KCNK1: variants seen among roughly 807,000 people sequenced by gnomAD.
The protein encoded by KCNK1 is potassium two pore domain channel subfamily K member 1.
Under a neutral mutation model 22.2 loss-of-function variants are expected in KCNK1, and 10 were observed. That is an observed-to-expected ratio of 0.45 (90% CI 0.28 to 0.76). The LOEUF (loss-of-function observed/expected upper bound fraction) is 0.76. Ranked by LOEUF, KCNK1 falls within the 30% of genes least tolerant of loss-of-function variation. KCNK1 has a pLI of 0.14. For missense variants in KCNK1, 378 were observed against 421.0 expected, an observed-to-expected ratio of 0.90 and a Z score of 0.89; for synonymous variants, 200 against 186.4, an observed-to-expected ratio of 1.07 and a Z score of -0.60.
intron 1 of KCNK1, among the ~76,000 whole-genome samples, chr1:233,659,461 G>A (rs1658354264): frequency 6.7e-6 from 1 of 149,836 alleles, no homozygotes; most frequent in African/African-American, 2.4e-5. Context: ...ATGTAAACCA[G>A]CTTCAGGCAA....
intron 1 of KCNK1, chr1:233,624,081 G>C (rs949806610): frequency 6.5e-6 from 1 of 153,754 alleles, no homozygotes; most frequent in African/African-American, 2.4e-5. Flanking sequence ...TGTTATGTGG[G>C]GGGCTCTGTG....
chr1:233,641,896 G>A (rs528170871), intron 1 of KCNK1, among the ~76,000 whole-genome samples: 7 of 152,202 alleles, frequency 4.6e-5, no homozygotes, highest in African/African-American at 1.4e-4. Context: ...GCAGGGAGCC[G>A]CTTGGGCAGC....
chr1:233,619,925 G>C (rs1057405325), intron 1 of KCNK1, among the ~76,000 whole-genome samples: 2 of 138,676 alleles, frequency 1.4e-5, no homozygotes, highest in Non-Finnish European at 1.6e-5. Flanking sequence ...CGAGGGGGGC[G>C]GGGGGGCGGG....
At chr1:233,654,748 TA>T (rs1268593974) in intron 1 of KCNK1, among the ~76,000 whole-genome samples, 1 of 151,940 alleles carries the variant, frequency 6.6e-6, no homozygotes, top group African/African-American at 2.4e-5. Flanking sequence ...GTCCATCTCT[TA>T]AAAAAGAATA....
Position 233,646,618 on chromosome 1 carries a change from GGAAGGTCT to G in KCNK1, c.356-19971_356-19964del, listed in dbSNP as rs1411851513. On this transcript the variant is annotated intron_variant, in intron 1 of 2. Coordinates refer to ENST00000366621, the MANE Select transcript of KCNK1 (RefSeq NM_002245.4). Reference sequence around the variant, plus strand: ...CCGAGTGCAGGGAGTGAGAGCAGATGGAAGGTCTGAAGGCCGAGTCCTGGAGGGTTCTA... The same window carrying G: ...CCGAGTGCAGGGAGTGAGAGCAGATGGAAGGCCGAGTCCTGGAGGGTTCTA... Among the ~76,000 whole-genome samples the G allele has an allele frequency of 2.6e-5, 4 of 152,148 alleles. No individual in the cohort carries two copies. In the East Asian group the frequency reaches 7.7e-4, roughly 29 times the overall value.
intron 1 of KCNK1, among the ~76,000 whole-genome samples, chr1:233,663,658 T>A (rs985254933): frequency 1.3e-5 from 2 of 152,072 alleles, no homozygotes; most frequent in Non-Finnish European, 2.9e-5. Flanking sequence ...CTTCGTGGAG[T>A]CCAACTGACT....
intron 2 of KCNK1, among the ~76,000 whole-genome samples, chr1:233,667,216 C>T (rs185754684): frequency 2.1e-4 from 32 of 152,180 alleles, no homozygotes; most frequent in African/African-American, 7.0e-4. Flanking sequence ...ATTGCAAGCT[C>T]CACTTCACCT....
intron 1 of KCNK1, among the ~76,000 whole-genome samples, chr1:233,664,399 G>A (rs1658454532): frequency 6.6e-6 from 1 of 151,988 alleles, no homozygotes; most frequent in African/African-American, 2.4e-5. Context: ...TTATTCTCAA[G>A]GCACTCTCCA....
chr1:233,652,878 T>C (rs1031934831), intron 1 of KCNK1, among the ~76,000 whole-genome samples: 1 of 152,206 alleles, frequency 6.6e-6, no homozygotes, highest in Non-Finnish European at 1.5e-5. Flanking sequence ...TGTATTATCT[T>C]TTTATTCTGA....
intron 1 of KCNK1, among the ~76,000 whole-genome samples, chr1:233,654,311 C>A (rs1658251359): frequency 6.6e-6 from 1 of 152,096 alleles, no homozygotes; most frequent in Admixed American, 6.6e-5. Flanking sequence ...ACCTGTGTAA[C>A]AAACCTGCAC....
chr1:233,632,399 C>G (rs751473726), intron 1 of KCNK1, among the ~76,000 whole-genome samples: 1 of 152,092 alleles, frequency 6.6e-6, no homozygotes, highest in African/African-American at 2.4e-5. Flanking sequence ...TAATTTTGAC[C>G]AGATAGGATG....
chr1:233,619,932 C>T (rs977548129), intron 1 of KCNK1, among the ~76,000 whole-genome samples: 6 of 11,326 alleles, frequency 5.3e-4, no homozygotes, highest in South Asian at 1.1e-3. Context: ...GGCGGGGGGG[C>T]GGGGGGGCAG....
intron 2 of KCNK1, among the ~76,000 whole-genome samples, chr1:233,667,729 C>CAAAAAAAAA (rs71170433): frequency 3.5e-5 from 3 of 86,096 alleles, no homozygotes; most frequent in Admixed American, 1.6e-4. Flanking sequence ...GACTCCGTCT[C>CAAAAAAAAA]AAAAAAAAAA....
intron 2 of KCNK1, among the ~76,000 whole-genome samples, chr1:233,669,542 G>A (rs1658560559): frequency 6.6e-6 from 1 of 152,110 alleles, no homozygotes. Context: ...GCATTCAAGA[G>A]TTTGACAAAA....
Position 233,666,847 on chromosome 1 carries a change from T to C in KCNK1, c.608T>C (p.Phe203Ser). 6.2e-7 allele frequency: 1 copy of C among 1,614,198 alleles called. No homozygotes were observed. Among genetic ancestry groups the C allele is most frequent in the Non-Finnish European group, 8.5e-7 (1 of 1,180,034 alleles). ...TTCTTCTTCATCCCGGCCGCTGTCT[T>C]CTCAGTCCTGGAGGATGACTGGAAC... ...SCFFFIPAAV[F>S]SVLEDDWNFL... The change falls in exon 2 of 3, where the codon TTC becomes TCC. Residue 203 changes from phenylalanine (F) to serine (S), a missense_variant. Coordinates refer to ENST00000366621, the MANE Select transcript of KCNK1 (RefSeq NM_002245.4).
At chr1:233,631,914 C>G (rs1448543795) in intron 1 of KCNK1, among the ~76,000 whole-genome samples, 1 of 152,118 alleles carries the variant, frequency 6.6e-6, no homozygotes, top group African/African-American at 2.4e-5. Flanking sequence ...TAGGTTGGTC[C>G]TCTTTGGCTC....
intron 1 of KCNK1, among the ~76,000 whole-genome samples, chr1:233,622,885 C>CT (rs1657616207): frequency 1.3e-5 from 2 of 152,174 alleles, no homozygotes; most frequent in Non-Finnish European, 2.9e-5. Flanking sequence ...AGATCAGAGT[C>CT]TAACTTTTTG....
chr1:233,666,518 T>C, intron 1 of KCNK1, 77 bp from the exon 2 acceptor site: 1 of 1,376,992 alleles, frequency 7.3e-7, no homozygotes, highest in Non-Finnish European at 9.9e-7. Flanking sequence ...GGGCAGATGA[T>C]AGGCATATAT....
At chr1:233,637,319 G>A (rs1370155421) in intron 1 of KCNK1, 1 of 152,104 alleles carries the variant, frequency 6.6e-6, no homozygotes, top group African/African-American at 2.4e-5. Context: ...TACCCAGGAA[G>A]CGAGCTGGCA....
Sources: allele counts gnomAD v4.1 joint callset (sites outside exome capture counted in the v4.1 genomes callset), GRCh38; gene constraint gnomAD v4.1.1; transcripts MANE v1.5; gene names NCBI Gene and HGNC (gene_info 2026-07-23, HGNC 2026-07-21).